Variants in CDH12 observed in about 807,000 individuals in gnomAD.
The protein encoded by CDH12 is cadherin 12.
In CDH12, 41 loss-of-function variants were observed where a neutral mutation model predicts 74.1. The ratio of observed to expected loss-of-function variants is 0.55; its 90% confidence interval spans 0.43 to 0.72. The LOEUF (loss-of-function observed/expected upper bound fraction) is 0.72. Ranked by LOEUF, CDH12 falls within the 30% of genes least tolerant of loss-of-function variation. CDH12 has a pLI of 0.00. For synonymous variants in CDH12, 399 were observed against 355.0 expected (o/e 1.12, Z -1.39); for missense variants, 945 against 977.2 (o/e 0.97, Z 0.44).
intron 3 of CDH12, among the ~76,000 whole-genome samples, chr5:22,365,832 T>C (rs1196667698): frequency 6.6e-6 from 1 of 152,178 alleles, no homozygotes; most frequent in Admixed American, 6.5e-5. Context: ...TTCTAAACTA[T>C]TGTATTAATT....
At chr5:22,437,863 A>G (rs1224948489) in intron 2 of CDH12, among the ~76,000 whole-genome samples, 1 of 152,072 alleles carries the variant, frequency 6.6e-6, no homozygotes, top group African/African-American at 2.4e-5. Context: ...CACAGTTGTA[A>G]AAAATCTTAA....
At chr5:22,781,280 C>T (rs1360459308) in intron 1 of CDH12, among the ~76,000 whole-genome samples, 1 of 152,168 alleles carries the variant, frequency 6.6e-6, no homozygotes, top group Non-Finnish European at 1.5e-5. Context: ...TCTCATTAAT[C>T]ATCCCAAAGA....
intron 3 of CDH12, among the ~76,000 whole-genome samples, chr5:22,292,013 A>T (rs1394378218): frequency 1.3e-5 from 2 of 152,148 alleles, no homozygotes; most frequent in African/African-American, 4.8e-5. Context: ...GAGACTCAAA[A>T]ACTAATGGAA....
rs1357075951 is a variant in CDH12, at chr5:21,993,167, C to T, written c.232-17782G>A. 9.2e-5 allele frequency among the ~76,000 whole-genome samples: 14 copies of T among 152,146 alleles called. No homozygotes were observed. In the South Asian group the frequency reaches 2.9e-3, roughly 32 times the overall value. The stretch of plus-strand genomic sequence containing the variant: ...GGGGGGTGGAGGGTGGACATAGAGC[C>T]AAACCATATCACTTTGGCTTACTCA... On this transcript the variant is annotated intron_variant, in intron 5 of 14. Coordinates refer to ENST00000382254, the MANE Select transcript of CDH12 (RefSeq NM_004061.5).
chr5:21,880,631 CTTTCTTTCTT>C (rs1561268600), intron 6 of CDH12, among the ~76,000 whole-genome samples: 13 of 85,076 alleles, frequency 1.5e-4, no homozygotes, highest in African/African-American at 5.6e-4. Context: ...TTCTTTCTTT[CTTTCTTTCTT>C]TCTTTCTTTC....
intron 1 of CDH12, among the ~76,000 whole-genome samples, chr5:22,510,505 A>G (rs1305143658): frequency 1.3e-5 from 2 of 152,218 alleles, no homozygotes; most frequent in East Asian, 3.8e-4. Flanking sequence ...CCCACCATGC[A>G]GATGCACAAA....
intron 1 of CDH12, among the ~76,000 whole-genome samples, chr5:22,743,002 A>G (rs1745104805): frequency 6.6e-6 from 1 of 151,362 alleles, no homozygotes; most frequent in Non-Finnish European, 1.5e-5. Context: ...GAAAGCCTGA[A>G]TAGAACCAAA....
At chr5:21,909,867 T>C (rs1481141726) in intron 6 of CDH12, among the ~76,000 whole-genome samples, 1 of 152,170 alleles carries the variant, frequency 6.6e-6, no homozygotes, top group Admixed American at 6.5e-5. Flanking sequence ...AACATCATCA[T>C]AGACTGAAAC....
intron 5 of CDH12, among the ~76,000 whole-genome samples, chr5:21,979,025 T>C (rs1185434905): frequency 6.6e-6 from 1 of 152,148 alleles, no homozygotes; most frequent in Non-Finnish European, 1.5e-5. Flanking sequence ...CTCATAGTCT[T>C]TTCCATATTT....
At chr5:22,833,254 G>C (rs1482197335) in intron 1 of CDH12, among the ~76,000 whole-genome samples, 4 of 152,144 alleles carry the variant, frequency 2.6e-5, no homozygotes, top group African/African-American at 4.8e-5. Flanking sequence ...GTGCTGTGCT[G>C]CTAGCTCACT....
chr5:22,421,981 G>A (rs1743672593), intron 2 of CDH12, among the ~76,000 whole-genome samples: 1 of 152,142 alleles, frequency 6.6e-6, no homozygotes, highest in Non-Finnish European at 1.5e-5. Context: ...CTGCATAAAT[G>A]TCTTCTTTTG....
chr5:22,826,087 C>T (rs948988300), intron 1 of CDH12, among the ~76,000 whole-genome samples: 1 of 152,110 alleles, frequency 6.6e-6, no homozygotes, highest in Non-Finnish European at 1.5e-5. Flanking sequence ...TGAGTCCCCA[C>T]CCAAATCTTA....
intron 3 of CDH12, among the ~76,000 whole-genome samples, chr5:22,355,523 A>AAAAAT (rs149384377): frequency 1.2e-5 from 1 of 84,020 alleles, no homozygotes; most frequent in African/African-American, 3.7e-5. Context: ...TTAAAAAAAA[A>AAAAAT]ATATATATAT....
chr5:22,770,389 C>A (rs548569800), intron 1 of CDH12, among the ~76,000 whole-genome samples: 73 of 152,076 alleles, frequency 4.8e-4, no homozygotes, highest in Non-Finnish European at 8.4e-4. Flanking sequence ...TGTACATTGC[C>A]CATAATTGAG....
At chr5:22,662,702 G>T (rs753823219) in intron 1 of CDH12, among the ~76,000 whole-genome samples, 4 of 152,294 alleles carry the variant, frequency 2.6e-5, no homozygotes, top group Non-Finnish European at 5.9e-5. Flanking sequence ...GATGAAATTT[G>T]TTGTCAGCTG....
At chr5:22,490,919 C>G (rs921457562) in intron 2 of CDH12, among the ~76,000 whole-genome samples, 4 of 152,160 alleles carry the variant, frequency 2.6e-5, no homozygotes, top group Admixed American at 6.5e-5. Flanking sequence ...GGTTTCTTCC[C>G]TTTACATACA....
At chr5:22,535,537 G>A (rs1303170613) in intron 1 of CDH12, among the ~76,000 whole-genome samples, 1 of 152,292 alleles carries the variant, frequency 6.6e-6, no homozygotes, top group East Asian at 1.9e-4. Flanking sequence ...GTTATCAGTA[G>A]ATTCAAAGCA....
At chr5:22,126,299 A>T (rs1361729428) in intron 4 of CDH12, among the ~76,000 whole-genome samples, 1 of 152,178 alleles carries the variant, frequency 6.6e-6, no homozygotes, top group Non-Finnish European at 1.5e-5. Context: ...TCATCAGCTA[A>T]GTGGCCCTTC....
At chr5:22,563,962 T>G (rs552519956) in intron 1 of CDH12, among the ~76,000 whole-genome samples, 1 of 152,102 alleles carries the variant, frequency 6.6e-6, no homozygotes, top group South Asian at 2.1e-4. Flanking sequence ...CCACAACACA[T>G]GGGAATTATG....
Sources: allele counts gnomAD v4.1 joint callset (sites outside exome capture counted in the v4.1 genomes callset), GRCh38; gene constraint gnomAD v4.1.1; transcripts MANE v1.5; gene names NCBI Gene and HGNC (gene_info 2026-07-23, HGNC 2026-07-21).